NDE1: variants seen among roughly 807,000 people sequenced by gnomAD.
NDE1 encodes nudE neurodevelopment protein 1.
Under a neutral mutation model 43.4 loss-of-function variants are expected in NDE1, and 28 were observed. That is an observed-to-expected ratio of 0.65 (90% CI 0.48 to 0.89). The LOEUF is 0.89. Ranked by LOEUF, NDE1 falls within the 40% of genes least tolerant of loss-of-function variation. NDE1 has a pLI of 0.00. For missense variants in NDE1, 441 were observed against 434.1 expected, an observed-to-expected ratio of 1.02 and a Z score of -0.14; for synonymous variants, 184 against 172.0, an observed-to-expected ratio of 1.07 and a Z score of -0.55.
chr16:15,659,156 A>G (rs1456052903), intron 1 of NDE1, among the ~76,000 whole-genome samples: 3 of 151,968 alleles, frequency 2.0e-5, no homozygotes, highest in African/African-American at 7.3e-5. Context: ...ATCTAGGTAC[A>G]ATTGTGCATT....
intron 8 of NDE1, chr16:15,703,144 A>G (rs1302264398): frequency 1.1e-5 from 2 of 185,902 alleles, no homozygotes; most frequent in East Asian, 1.7e-4. Flanking sequence ...ATTGTGATTT[A>G]TAACCATTTA....
intron 8 of NDE1, among the ~76,000 whole-genome samples, chr16:15,711,878 A>G (rs1377571220): frequency 2.0e-5 from 3 of 152,136 alleles, no homozygotes; most frequent in East Asian, 3.9e-4. Flanking sequence ...TTTTTAGTAG[A>G]GACGGGGTTT....
chr16:15,709,023 A>G (rs1343139888), intron 8 of NDE1, among the ~76,000 whole-genome samples: 1 of 151,786 alleles, frequency 6.6e-6, no homozygotes, highest in African/African-American at 2.4e-5. Context: ...GCTCACTGCA[A>G]CCTCTACGTC....
At chr16:15,716,919 A>G (rs181345816) in intron 8 of NDE1, among the ~76,000 whole-genome samples, 8 of 152,312 alleles carry the variant, frequency 5.3e-5, no homozygotes, top group African/African-American at 7.2e-5. Context: ...TGGAGATGCT[A>G]AGAGCAGCTC....
In NDE1 at chr16:15,676,998, G is replaced by A. The variant is rs188125137; in HGVS notation, c.238-803G>A. Among the ~76,000 whole-genome samples, 4 of 152,266 alleles carry A rather than the reference G, an allele frequency of 2.6e-5. No individual in the cohort carries two copies. In the East Asian group the frequency reaches 7.7e-4, roughly 29 times the overall value. On this transcript the variant is annotated intron_variant, in intron 3 of 8. Transcript: ENST00000396354. Reference sequence around the variant, plus strand: ...GTGGACACCTTGGGTAGAATGATTTGTCTGAAGAATGATGGAGGCTATAGG... The same window carrying A: ...GTGGACACCTTGGGTAGAATGATTTATCTGAAGAATGATGGAGGCTATAGG...
intron 8 of NDE1, chr16:15,715,269 C>G: frequency 6.2e-7 from 1 of 1,614,108 alleles, no homozygotes; most frequent in South Asian, 1.1e-5. Flanking sequence ...CCGCCTGTTT[C>G]TCTCTGCAAA....
chr16:15,701,962 C>T (rs1243601363), intron 8 of NDE1: 1 of 152,136 alleles, frequency 6.6e-6, no homozygotes, highest in Non-Finnish European at 1.5e-5. Flanking sequence ...TATGTTTATA[C>T]TTTAATGTTT....
intron 4 of NDE1, among the ~76,000 whole-genome samples, chr16:15,681,344 G>T (rs1003995603): frequency 1.6e-5 from 2 of 127,506 alleles, no homozygotes; most frequent in Non-Finnish European, 3.1e-5. Flanking sequence ...CAGCTCACTG[G>T]AGCCTTGACC....
intron 1 of NDE1, among the ~76,000 whole-genome samples, chr16:15,651,750 T>C (rs1596538096): frequency 6.6e-6 from 1 of 151,964 alleles, no homozygotes; most frequent in Non-Finnish European, 1.5e-5. Flanking sequence ...ACAACCCATT[T>C]TGAGCCTTTC....
At chr16:15,703,226 G>A (rs1460380823) in intron 8 of NDE1, 1 of 212,136 alleles carries the variant, frequency 4.7e-6, no homozygotes, top group African/African-American at 2.3e-5. Context: ...CGTGGGAGCA[G>A]CGTCTCCTTT....
At chr16:15,698,991 C>T (rs888365189) in intron 8 of NDE1, among the ~76,000 whole-genome samples, 2 of 151,932 alleles carry the variant, frequency 1.3e-5, no homozygotes, top group Admixed American at 6.6e-5. Context: ...CTCAAGCCAT[C>T]TTCCTGCCTC....
At position 15,719,299 on chromosome 16, in the gene NDE1, C is replaced by T. The variant is rs187172581; in HGVS notation, c.948-4892C>T. The stretch of plus-strand genomic sequence containing the variant: ...GCTTGTTTGCGAGCCCTCTCAGCGG[C>T]GGCGAGGTCCTAGGTGGGAGGGAGG... On this transcript the variant is annotated intron_variant, in intron 8 of 8. Transcript: ENST00000396354. The T allele has an allele frequency of 6.3e-5, 101 of 1,611,292 alleles. 1 individual carries two copies. In the East Asian group the frequency reaches 1.6e-3, roughly 26 times the overall value.
chr16:15,688,455 A>G (rs1330976719), intron 5 of NDE1, among the ~76,000 whole-genome samples: 1 of 151,592 alleles, frequency 6.6e-6, no homozygotes, highest in African/African-American at 2.4e-5. Context: ...GACAACATAG[A>G]GAAACCCCAT....
At chr16:15,672,954 C>G (rs1026512113) in intron 3 of NDE1, among the ~76,000 whole-genome samples, 1 of 152,142 alleles carries the variant, frequency 6.6e-6, no homozygotes, top group Admixed American at 6.6e-5. Flanking sequence ...GGTCCGCCCT[C>G]CTCATCCTTC....
At chr16:15,710,443 C>T (rs2039715122) in intron 8 of NDE1, among the ~76,000 whole-genome samples, 1 of 152,160 alleles carries the variant, frequency 6.6e-6, no homozygotes, top group Admixed American at 6.5e-5. Context: ...ATCGCTTGAA[C>T]CTGGGAGGCA....
At chr16:15,698,578 G>A (rs1199183267) in intron 8 of NDE1, among the ~76,000 whole-genome samples, 2 of 152,052 alleles carry the variant, frequency 1.3e-5, no homozygotes. Flanking sequence ...TTTAGGCCAG[G>A]TGCAGTGAAG....
At chr16:15,715,031 C>T in intron 8 of NDE1, 2 of 1,613,874 alleles carry the variant, frequency 1.2e-6, no homozygotes, top group East Asian at 2.2e-5. Flanking sequence ...CCTCCTCTGC[C>T]TCCTCCAGCT....
At chr16:15,709,476 G>A (rs1883341883) in intron 8 of NDE1, among the ~76,000 whole-genome samples, 5 of 152,058 alleles carry the variant, frequency 3.3e-5, no homozygotes, top group Non-Finnish European at 5.9e-5. Context: ...CACCGTGGCT[G>A]GCTAATTTTC....
At position 15,654,085 on chromosome 16, in the gene NDE1, T is replaced by C. The variant is rs188723734; in HGVS notation, c.-44+3791T>C. ...CTCTGTTGTGCAAAATAGATACTTTTTGTACCACTGGGTCCTAGTTTGTCA... is the reference window on the plus strand; with the variant it reads ...CTCTGTTGTGCAAAATAGATACTTTCTGTACCACTGGGTCCTAGTTTGTCA... On this transcript the variant is annotated intron_variant, in intron 1 of 8. Transcript: ENST00000396354. 1.8e-3 allele frequency among the ~76,000 whole-genome samples: 280 copies of C among 152,260 alleles called. 8 individuals carry two copies. In the South Asian group the frequency reaches 0.058, roughly 31 times the overall value.
Sources: allele counts gnomAD v4.1 joint callset (sites outside exome capture counted in the v4.1 genomes callset), GRCh38; gene constraint gnomAD v4.1.1; transcripts MANE v1.5; gene names NCBI Gene and HGNC (gene_info 2026-07-23, HGNC 2026-07-21).